The following IGF2BP2 variants were observed in gnomAD, a reference collection of about 807,000 sequenced individuals.
IGF2BP2 encodes the protein insulin like growth factor 2 mRNA binding protein 2, also known as insulin-like growth factor 2 mRNA-binding protein 2.
IGF2BP2 carries 17 observed loss-of-function variants against 75.8 expected under a neutral mutation model. That is an observed-to-expected ratio of 0.22 (90% CI 0.15 to 0.34). IGF2BP2 has a LOEUF of 0.34. Among genes scored for constraint, IGF2BP2 ranks in the 10% least tolerant of loss-of-function variants. IGF2BP2 has a pLI of 1.00. For missense variants in IGF2BP2, 516 were observed against 772.4 expected (o/e 0.67, Z 3.93); for synonymous variants, 288 against 295.6 (o/e 0.97, Z 0.26).
intron 2 of IGF2BP2, among the ~76,000 whole-genome samples, chr3:185,803,381 A>G (rs1042056445): frequency 6.6e-6 from 1 of 152,178 alleles, no homozygotes; most frequent in Non-Finnish European, 1.5e-5. Context: ...ATAGCCCTAA[A>G]TTACAGTATT....
chr3:185,819,441 G>C (rs1741043945), intron 2 of IGF2BP2, among the ~76,000 whole-genome samples: 1 of 152,026 alleles, frequency 6.6e-6, no homozygotes. Flanking sequence ...TTTTAAAAAT[G>C]TAAACTAGAA....
intron 9 of IGF2BP2, 44 bp from the exon 10 acceptor site, chr3:185,672,713 A>T (rs1718718399): frequency 6.2e-7 from 1 of 1,611,784 alleles, no homozygotes; most frequent in African/African-American, 1.3e-5. Flanking sequence ...AGGAGACCAG[A>T]GAGGCCCGCA....
At chr3:185,718,409 C>CG (rs1377210357) in intron 2 of IGF2BP2, among the ~76,000 whole-genome samples, 1 of 152,096 alleles carries the variant, frequency 6.6e-6, no homozygotes, top group Non-Finnish European at 1.5e-5. Flanking sequence ...AAGTCAGGCT[C>CG]GGGGGCGGTG....
At position 185,792,426 on chromosome 3, in the gene IGF2BP2, G is replaced by T. The variant is rs191462654; in HGVS notation, c.239+30727C>A. Among the ~76,000 whole-genome samples the T allele has an allele frequency of 4.0e-3, 608 of 152,042 alleles. 3 individuals carry two copies. The highest frequency in any genetic ancestry group is 0.014 in the African/African-American group (584 of 41,462). Reference sequence around the variant, plus strand: ...TTGAAACCAGCCTGGCCAACATGGCGAAACCCCGTCTCTACTAAGAATACA... The same window carrying T: ...TTGAAACCAGCCTGGCCAACATGGCTAAACCCCGTCTCTACTAAGAATACA... On this transcript the variant is annotated intron_variant, in intron 2 of 15. Coordinates refer to ENST00000382199, the MANE Select transcript of IGF2BP2 (RefSeq NM_006548.6).
At chr3:185,784,959 A>C (rs1283862850) in intron 2 of IGF2BP2, among the ~76,000 whole-genome samples, 3 of 152,178 alleles carry the variant, frequency 2.0e-5, no homozygotes, top group African/African-American at 7.2e-5. Flanking sequence ...AATCAGACTT[A>C]ATTTTTTCAG....
chr3:185,735,320 A>G (rs1728717990), intron 2 of IGF2BP2, among the ~76,000 whole-genome samples: 1 of 151,932 alleles, frequency 6.6e-6, no homozygotes, highest in African/African-American at 2.4e-5. Context: ...TAATTTTTGT[A>G]TTTTTAGTAG....
intron 7 of IGF2BP2, 34 bp from the exon 8 acceptor site, chr3:185,675,947 A>T: frequency 3.7e-6 from 6 of 1,611,112 alleles, no homozygotes; most frequent in Non-Finnish European, 5.1e-6. Context: ...AACACTTCAG[A>T]TACGTATAAC....
At chr3:185,695,532 G>A (rs181478991) in intron 4 of IGF2BP2, among the ~76,000 whole-genome samples, 11 of 152,230 alleles carry the variant, frequency 7.2e-5, no homozygotes, top group Admixed American at 1.3e-4. Context: ...TGTTTTCTAG[G>A]TCAAGGCAAA....
intron 2 of IGF2BP2, among the ~76,000 whole-genome samples, chr3:185,794,647 TC>T (rs1481227500): frequency 2.9e-4 from 41 of 140,698 alleles, no homozygotes; most frequent in African/African-American, 1.1e-3. Context: ...TCTTTTTTTT[TC>T]ATTGTGATAA....
In IGF2BP2 at chr3:185,801,185, C is replaced by T. The variant is rs186717411; in HGVS notation, c.239+21968G>A. On this transcript the variant is annotated intron_variant, in intron 2 of 15. Transcript: ENST00000382199. ...TACCATATCAAGGCAGTTAGAATAGCGATTATTAAAAAGTCAGGAAACAGC... is the reference window on the plus strand; with the variant it reads ...TACCATATCAAGGCAGTTAGAATAGTGATTATTAAAAAGTCAGGAAACAGC... 2.3e-4 allele frequency among the ~76,000 whole-genome samples: 35 copies of T among 152,092 alleles called. No individual in the cohort carries two copies. The Middle Eastern group carries it at 0.01, about 44-fold the overall frequency.
chr3:185,778,952 T>C lies in IGF2BP2; in HGVS notation c.239+44201A>G, dbSNP rs541165466. On this transcript the variant is annotated intron_variant, in intron 2 of 15. Transcript: ENST00000382199. ...GGCCTTAGAGGTTCCTTCTCTAAAG[T>C]GCCTCCAGAGCTAACACACTACCAT... Among the ~76,000 whole-genome samples, 3 of 152,228 alleles carry C rather than the reference T, an allele frequency of 2.0e-5. No individual in the cohort carries two copies. In the South Asian group the frequency reaches 6.2e-4, roughly 32 times the overall value.
intron 10 of IGF2BP2, among the ~76,000 whole-genome samples, chr3:185,670,632 G>C (rs944897781): frequency 1.3e-5 from 2 of 152,032 alleles, no homozygotes; most frequent in African/African-American, 2.4e-5. Context: ...GCAGTGCCAC[G>C]ATCTCAGCTC....
At chr3:185,783,392 T>C (rs1397373962) in intron 2 of IGF2BP2, among the ~76,000 whole-genome samples, 1 of 152,136 alleles carries the variant, frequency 6.6e-6, no homozygotes, top group Non-Finnish European at 1.5e-5. Flanking sequence ...GGACTTAAGG[T>C]GGTAGAAAGC....
chr3:185,805,259 C>T (rs934641866), intron 2 of IGF2BP2, among the ~76,000 whole-genome samples: 4 of 152,002 alleles, frequency 2.6e-5, no homozygotes, highest in African/African-American at 2.4e-5. Flanking sequence ...TAGCACATAT[C>T]CAGGGACCCT....
At chr3:185,689,965 C>T (rs973913439) in intron 5 of IGF2BP2, among the ~76,000 whole-genome samples, 8 of 25,982 alleles carry the variant, frequency 3.1e-4, no homozygotes, top group African/African-American at 1.5e-3. Context: ...GAGACTCCGT[C>T]TCAAAAAAAA....
chr3:185,741,203 C>G (rs887825817), intron 2 of IGF2BP2, among the ~76,000 whole-genome samples: 2 of 152,100 alleles, frequency 1.3e-5, no homozygotes, highest in African/African-American at 2.4e-5. Context: ...ATTGTTCTGT[C>G]AAAGGCACAA....
At chr3:185,682,175 C>T (rs958072103) in intron 7 of IGF2BP2, among the ~76,000 whole-genome samples, 12 of 152,144 alleles carry the variant, frequency 7.9e-5, no homozygotes, top group African/African-American at 2.9e-4. Context: ...AAGGGGTTTG[C>T]TATGGTTTCA....
intron 2 of IGF2BP2, among the ~76,000 whole-genome samples, chr3:185,782,920 C>G (rs1735391973): frequency 6.6e-6 from 1 of 152,188 alleles, no homozygotes; most frequent in Non-Finnish European, 1.5e-5. Flanking sequence ...GTTTTCAACT[C>G]CATCTTTAAG....
intron 2 of IGF2BP2, among the ~76,000 whole-genome samples, chr3:185,730,344 A>G (rs1448463094): frequency 6.6e-6 from 1 of 151,802 alleles, no homozygotes; most frequent in Admixed American, 6.6e-5. Context: ...TTCTTTATCC[A>G]ATCATCAGTT....
Sources: allele counts gnomAD v4.1 joint callset (sites outside exome capture counted in the v4.1 genomes callset), GRCh38; gene constraint gnomAD v4.1.1; transcripts MANE v1.5; gene names NCBI Gene and HGNC (gene_info 2026-07-23, HGNC 2026-07-21).